CHRND: variants seen among roughly 807,000 people sequenced by gnomAD.
CHRND encodes acetylcholine receptor subunit delta.
CHRND carries 40 observed loss-of-function variants against 57.8 expected under a neutral mutation model. The ratio of observed to expected loss-of-function variants is 0.69; its 90% CI spans 0.54 to 0.90. The LOEUF (loss-of-function observed/expected upper bound fraction) is 0.90. Ranked by LOEUF, CHRND falls within the 40% of genes least tolerant of loss-of-function variation. The pLI, the probability that CHRND is intolerant of heterozygous loss-of-function variation, is 0.00. For missense variants in CHRND, 634 were observed against 673.9 expected (o/e 0.94, Z 0.66); for synonymous variants, 237 against 270.6 (o/e 0.88, Z 1.22).
chr2:232,526,758 C>T (rs919894117), intron 2 of CHRND, 84 bp downstream of exon 2: 1 of 1,455,466 alleles, frequency 6.9e-7, no homozygotes, highest in Non-Finnish European at 9.6e-7. Context: ...AAGCTAGAAG[C>T]CCCCACCTGG....
chr2:232,529,263 G>T (rs1691597547), intron 6 of CHRND, among the ~76,000 whole-genome samples: 1 of 151,488 alleles, frequency 6.6e-6, no homozygotes, highest in South Asian at 2.1e-4. Context: ...TCTCCCACAT[G>T]AGATGCCTGT....
intron 6 of CHRND, 150 bp downstream of exon 6, chr2:232,529,121 G>A: frequency 1.4e-6 from 1 of 690,940 alleles, no homozygotes; most frequent in East Asian, 2.7e-5. Flanking sequence ...AGACACAGAA[G>A]GGCAGACACA....
intron 3 of CHRND, 104 bp from the exon 4 acceptor site, chr2:232,528,158 G>C: frequency 9.1e-7 from 1 of 1,097,308 alleles, no homozygotes; most frequent in Admixed American, 1.9e-5. Flanking sequence ...AACCTCTTTT[G>C]TCACAGCTCT....
At chr2:232,532,628 GCA>G (rs1049625047) in intron 9 of CHRND, among the ~76,000 whole-genome samples, 72 of 152,190 alleles carry the variant, frequency 4.7e-4, no homozygotes, top group African/African-American at 1.7e-3. Context: ...GAACCTCCTG[GCA>G]CAGTGTTCCG....
At position 232,531,595 on chromosome 2, in the gene CHRND, T is replaced by A. The variant is rs1289173564; in HGVS notation, c.986T>A (p.Ile329Asn). The change falls in exon 9 of 12, where the codon ATC (isoleucine) becomes AAC (asparagine). Residue 329 changes from isoleucine to asparagine, a missense_variant. Coordinates refer to ENST00000258385, the MANE Select transcript of CHRND (RefSeq NM_000751.3). ...ACCATGGTTGTGGTGATCTGTGTCA[T>A]CGTGCTCAACATCCACTTCCGAACA... Reference protein sequence around the residue: ...LVTMVVVICVIVLNIHFRTPS... With the variant: ...LVTMVVVICVNVLNIHFRTPS... The A allele has an allele frequency of 1.2e-6, 2 of 1,614,018 alleles. No individual in the cohort carries two copies. The highest frequency in any genetic ancestry group is 2.2e-5 in the East Asian group (1 of 44,868).
chr2:232,526,375 TG>T, intron 1 of CHRND, 108 bp downstream of exon 1: 2 of 1,513,190 alleles, frequency 1.3e-6, no homozygotes, highest in Non-Finnish European at 1.8e-6. Context: ...TCTCTCCCTG[TG>T]GGGGGCCGCC....
At position 232,536,359 on chromosome 2, in the gene CHRND, T is replaced by C; in HGVS notation, c.*1047T>C. 1 of 454,166 alleles carries C rather than the reference T, an allele frequency of 2.2e-6. No homozygotes were observed. Among genetic ancestry groups the C allele is most frequent in the Non-Finnish European group, 4.4e-6 (1 of 226,802 alleles). The allele number at this position is 454,166 out of a possible 1,614,324, so 28.1% of individuals were successfully genotyped here. A position where few individuals can be genotyped will look rare whatever the true frequency, so the allele number is the denominator to read the frequency against. On this transcript the variant is annotated 3_prime_UTR_variant, in exon 12 of 12. Coordinates refer to ENST00000258385, the MANE Select transcript of CHRND (RefSeq NM_000751.3). ...AGGAAAGACACTATGGCCTCTTTCT[T>C]GCTCATTAGCCCTCATTCTCACATC...
chr2:232,526,917 T>G (rs1691493968), intron 2 of CHRND, among the ~76,000 whole-genome samples: 1 of 152,130 alleles, frequency 6.6e-6, no homozygotes, highest in Non-Finnish European at 1.5e-5. Flanking sequence ...AGGCCACTGG[T>G]CCTCTCTGCT....
At chr2:232,528,438 T>G in intron 4 of CHRND, 63 bp from the exon 5 acceptor site, 1 of 1,613,424 alleles carries the variant, frequency 6.2e-7, no homozygotes, top group Admixed American at 1.7e-5. Flanking sequence ...CTCCTCTGCC[T>G]CCCCCAACTC....
intron 2 of CHRND, 81 bp from the exon 3 acceptor site, chr2:232,527,320 G>GAGAC: frequency 8.0e-7 from 1 of 1,257,456 alleles, no homozygotes; most frequent in Non-Finnish European, 1.2e-6. Flanking sequence ...AAGAGAGAGA[G>GAGAC]AGAGAGAGAG....
At chr2:232,531,731 T>G in intron 9 of CHRND, 75 bp downstream of exon 9, 29 of 1,304,140 alleles carry the variant, frequency 2.2e-5, no homozygotes, top group Non-Finnish European at 3.2e-5. Flanking sequence ...GGAGAATCTC[T>G]TGAGCCCAGG....
chr2:232,532,255 G>T (rs1203240092), intron 9 of CHRND, among the ~76,000 whole-genome samples: 2 of 151,972 alleles, frequency 1.3e-5, no homozygotes, highest in Non-Finnish European at 2.9e-5. Context: ...ATCACCTGAG[G>T]TCAAGAGTTC....
At chr2:232,529,691 G>C (rs550817994) in intron 6 of CHRND, among the ~76,000 whole-genome samples, 1 of 152,164 alleles carries the variant, frequency 6.6e-6, no homozygotes, top group Non-Finnish European at 1.5e-5. Context: ...TTTGAGTCCT[G>C]TATGGCCTCA....
In CHRND at chr2:232,534,281, C is replaced by T; in HGVS notation, c.1310C>T (p.Pro437Leu). ...CAGGAACTCTTCAATGAGCTGAAGC[C>T]AGCTGTGGATGGGGCAAACTTCATT... ...AQQELFNELK[P>L]AVDGANFIVN... The change falls in exon 11 of 12, where the codon CCA (proline) becomes CTA (leucine). Residue 437 changes from proline to leucine, a missense_variant. By Grantham distance (98) the Pro-to-Leu change is moderately conservative (BLOSUM62 -3). Coordinates refer to ENST00000258385, the MANE Select transcript of CHRND (RefSeq NM_000751.3). The T allele has an allele frequency of 1.2e-6, 2 of 1,614,206 alleles. No homozygotes were observed. Among genetic ancestry groups the T allele is most frequent in the Non-Finnish European group, 1.7e-6 (2 of 1,180,046 alleles).
Position 232,531,451 on chromosome 2 carries a change from C to T in CHRND, c.920C>T (p.Pro307Leu), listed in dbSNP as rs371376389. 28 of 1,613,876 alleles carry T rather than the reference C, an allele frequency of 1.7e-5. No individual in the cohort carries two copies. ...KRLPATSMAI[P>L]LIGKFLLFGM... ...CTGCCTGCCACATCCATGGCCATCC[C>T]CCTTATCGGCAAGTGAGTGACGCTC... The change falls in exon 8 of 12, where the codon CCC becomes CTC. Residue 307 changes from proline (P) to leucine (L), a missense_variant. Transcript: ENST00000258385.
At position 232,535,312 on chromosome 2, in the gene CHRND, G is replaced by C. The variant is rs780761579; in HGVS notation, c.1554G>C (p.Ter518TyrextTer13). The change falls in exon 12 of 12, where the codon TAG (stop) becomes TAC (tyrosine). Residue 518 changes from the stop codon to tyrosine, a stop_lost. Coordinates refer to ENST00000258385, the MANE Select transcript of CHRND (RefSeq NM_000751.3). ...SYNVQDKRFI* is the reference protein window; with the variant it reads ...SYNVQDKRFIY Reference sequence around the variant, plus strand: ...ACGTGCAGGACAAGCGCTTCATCTAGGGTGGGCCTGTTGGGGAGCCAGGAG... The same window carrying C: ...ACGTGCAGGACAAGCGCTTCATCTACGGTGGGCCTGTTGGGGAGCCAGGAG... 1.9e-6 allele frequency: 3 copies of C among 1,612,996 alleles called. No individual in the cohort carries two copies. In the African/African-American group the frequency reaches 4.0e-5, roughly 22 times the overall value.
chr2:232,535,530 G>A lies in CHRND; in HGVS notation c.*218G>A. 1 of 721,462 alleles carries A rather than the reference G, an allele frequency of 1.4e-6. No homozygotes were observed. Among genetic ancestry groups the A allele is most frequent in the Non-Finnish European group, 2.4e-6 (1 of 409,506 alleles). 44.7% of individuals were successfully genotyped at this position (721,462 alleles called of 1,614,324 possible). On this transcript the variant is annotated 3_prime_UTR_variant, in exon 12 of 12. Coordinates refer to ENST00000258385, the MANE Select transcript of CHRND (RefSeq NM_000751.3). ...AGGGTGGACATCGGCTACAGTGGGT[G>A]GGCAGGACGATTTGGGGGGAGGCCC...
intron 9 of CHRND, among the ~76,000 whole-genome samples, chr2:232,533,370 T>C (rs1366156537): frequency 2.0e-5 from 3 of 152,200 alleles, no homozygotes; most frequent in Admixed American, 6.5e-5. Context: ...CTCTAGCATT[T>C]GGAGCATTTA....
chr2:232,530,107 T>C lies in CHRND; in HGVS notation c.788T>C (p.Met263Thr), dbSNP rs1173131937. The change falls in exon 7 of 12, where the codon ATG (methionine) becomes ACG (threonine). Residue 263 changes from methionine (M) to threonine (T), a missense_variant. Coordinates refer to ENST00000258385, the MANE Select transcript of CHRND (RefSeq NM_000751.3). Reference protein sequence around the residue: ...ILVPCVLISFMVNLVFYLPAD... With the variant: ...ILVPCVLISFTVNLVFYLPAD... ...GTGCCCTGCGTGCTCATCTCCTTCA[T>C]GGTCAACCTGGTCTTCTACCTACCG... is the stretch of plus-strand genomic sequence containing the variant. 1 of 1,614,138 alleles carries C rather than the reference T, an allele frequency of 6.2e-7. No homozygotes were observed. The highest frequency in any genetic ancestry group is 1.1e-5 in the South Asian group (1 of 91,078).
Sources: gnomAD v4.1 joint callset for allele counts (sites outside exome capture counted in the v4.1 genomes callset) on GRCh38, gnomAD v4.1.1 for gene constraint, MANE v1.5 for transcripts, NCBI Gene and HGNC (gene_info 2026-07-23, HGNC 2026-07-21) for gene names.